Variants in GUCY1A2 observed in about 807,000 individuals in gnomAD.
The protein encoded by GUCY1A2 is guanylate cyclase 1 soluble subunit alpha 2.
Under a neutral mutation model 63.5 loss-of-function variants are expected in GUCY1A2, and 27 were observed. The ratio of observed to expected loss-of-function variants is 0.43; its 90% CI spans 0.31 to 0.59. GUCY1A2 has a LOEUF of 0.59. Ranked by LOEUF, GUCY1A2 falls within the 20% of genes least tolerant of loss-of-function variation. GUCY1A2 has a pLI of 0.11. For missense variants in GUCY1A2, 768 were observed against 913.3 expected (o/e 0.84, Z 2.05); for synonymous variants, 364 against 343.5 (o/e 1.06, Z -0.66).
At chr11:106,924,882 G>A (rs918192655) in intron 4 of GUCY1A2, among the ~76,000 whole-genome samples, 2 of 152,058 alleles carry the variant, frequency 1.3e-5, no homozygotes, top group African/African-American at 4.8e-5. Context: ...GTGCGTACCT[G>A]TAGTTGCAGC....
At chr11:107,011,977 A>G (rs1031307464) in intron 1 of GUCY1A2, among the ~76,000 whole-genome samples, 23 of 152,152 alleles carry the variant, frequency 1.5e-4, no homozygotes, top group Non-Finnish European at 2.9e-5. Flanking sequence ...ACTGAAATAA[A>G]TAACTTCTCT....
intron 3 of GUCY1A2, among the ~76,000 whole-genome samples, chr11:106,948,444 C>G (rs1860860026): frequency 6.6e-6 from 1 of 151,968 alleles, no homozygotes; most frequent in South Asian, 2.1e-4. Flanking sequence ...ATGATCATAT[C>G]AGTAGATTCT....
intron 2 of GUCY1A2, among the ~76,000 whole-genome samples, chr11:106,981,041 A>G (rs534077021): frequency 6.6e-6 from 1 of 152,250 alleles, no homozygotes; most frequent in Non-Finnish European, 1.5e-5. Flanking sequence ...AGTGCCCAGC[A>G]TATCTCCTCA....
At chr11:106,712,371 T>A (rs959787629) in intron 6 of GUCY1A2, among the ~76,000 whole-genome samples, 2 of 152,182 alleles carry the variant, frequency 1.3e-5, no homozygotes, top group African/African-American at 4.8e-5. Context: ...TTAAAAATCT[T>A]CCAGGTATCA....
intron 6 of GUCY1A2, among the ~76,000 whole-genome samples, chr11:106,739,682 T>C (rs190547749): frequency 6.6e-5 from 10 of 152,320 alleles, no homozygotes; most frequent in African/African-American, 4.8e-5. Flanking sequence ...AAAACATGTC[T>C]TTTAGAATTG....
At chr11:106,701,136 T>A (rs1277140131) in intron 7 of GUCY1A2, among the ~76,000 whole-genome samples, 1 of 152,134 alleles carries the variant, frequency 6.6e-6, no homozygotes, top group African/African-American at 2.4e-5. Flanking sequence ...ATAAAGTAAA[T>A]TCCTAAAAGC....
chr11:106,884,629 C>T (rs1565320137), intron 4 of GUCY1A2, among the ~76,000 whole-genome samples: 1 of 151,862 alleles, frequency 6.6e-6, no homozygotes, highest in Non-Finnish European at 1.5e-5. Context: ...TTACAGAAAC[C>T]AAAGAAAGAA....
At chr11:106,843,200 G>A (rs1859224236) in intron 4 of GUCY1A2, among the ~76,000 whole-genome samples, 2 of 151,758 alleles carry the variant, frequency 1.3e-5, no homozygotes, top group Non-Finnish European at 2.9e-5. Flanking sequence ...TAGCTTAAAG[G>A]AGTAATAAGA....
intron 4 of GUCY1A2, among the ~76,000 whole-genome samples, chr11:106,878,411 T>C (rs1057185363): frequency 1.3e-5 from 2 of 151,938 alleles, no homozygotes; most frequent in African/African-American, 4.8e-5. Context: ...ATAAAGAAAA[T>C]ATGGTACATA....
chr11:106,855,323 C>A (rs955590535), intron 4 of GUCY1A2, among the ~76,000 whole-genome samples: 1 of 152,134 alleles, frequency 6.6e-6, no homozygotes, highest in Non-Finnish European at 1.5e-5. Flanking sequence ...ACAATGAAGA[C>A]ACCTTCCTCA....
chr11:106,990,374 G>T (rs1330173014), intron 1 of GUCY1A2, among the ~76,000 whole-genome samples: 3 of 152,220 alleles, frequency 2.0e-5, no homozygotes, highest in Admixed American at 1.3e-4. Flanking sequence ...CTCAAGAAAG[G>T]TCATGAGATC....
chr11:106,992,233 C>T (rs1049492351), intron 1 of GUCY1A2, among the ~76,000 whole-genome samples: 1 of 150,928 alleles, frequency 6.6e-6, no homozygotes, highest in Non-Finnish European at 1.5e-5. Flanking sequence ...GTTATTATCA[C>T]TAAAAAAGAA....
At chr11:106,808,015 C>T (rs746557719) in intron 5 of GUCY1A2, among the ~76,000 whole-genome samples, 30 of 152,156 alleles carry the variant, frequency 2.0e-4, no homozygotes, top group Non-Finnish European at 3.4e-4. Context: ...CTTCCTTGCT[C>T]CTCAACTTGC....
chr11:106,945,814 A>C (rs1860820284), intron 3 of GUCY1A2, among the ~76,000 whole-genome samples: 1 of 152,148 alleles, frequency 6.6e-6, no homozygotes, highest in South Asian at 2.1e-4. Flanking sequence ...AAAATACAAA[A>C]TTATCTGGGC....
chr11:106,915,230 A>G (rs1213476312), intron 4 of GUCY1A2, among the ~76,000 whole-genome samples: 1 of 152,152 alleles, frequency 6.6e-6, no homozygotes, highest in African/African-American at 2.4e-5. Context: ...AACTGACTTG[A>G]TAGACAACTT....
At chr11:106,995,876 C>A (rs1014392763) in intron 1 of GUCY1A2, among the ~76,000 whole-genome samples, 24 of 152,292 alleles carry the variant, frequency 1.6e-4, no homozygotes, top group Middle Eastern at 3.4e-3. Flanking sequence ...ATGAGAAAAT[C>A]ATTTCTAGTC....
chr11:106,956,683 C>A (rs1201729662), intron 3 of GUCY1A2, among the ~76,000 whole-genome samples: 1 of 152,156 alleles, frequency 6.6e-6, no homozygotes, highest in Non-Finnish European at 1.5e-5. Context: ...CTGACCTCGA[C>A]AGGCACCAAC....
intron 4 of GUCY1A2, among the ~76,000 whole-genome samples, chr11:106,909,393 GCTTTTCAT>G (rs1860261880): frequency 6.8e-6 from 1 of 147,736 alleles, no homozygotes; most frequent in Non-Finnish European, 1.5e-5. Context: ...GTGTGTGTAC[GCTTTTCAT>G]TCTCTGCAAC....
chr11:106,746,933 C>T (rs1035385372), intron 6 of GUCY1A2, among the ~76,000 whole-genome samples: 2 of 152,120 alleles, frequency 1.3e-5, no homozygotes, highest in Admixed American at 1.3e-4. Flanking sequence ...CCTTATTTTC[C>T]ATACTGAGTT....
Sources: gnomAD v4.1 joint callset for allele counts (sites outside exome capture counted in the v4.1 genomes callset) on GRCh38, gnomAD v4.1.1 for gene constraint, MANE v1.5 for transcripts, NCBI Gene and HGNC (gene_info 2026-07-23, HGNC 2026-07-21) for gene names.